Variants in PCDHGA2 observed in about 807,000 individuals in gnomAD.
The protein encoded by PCDHGA2 is protocadherin gamma-A2.
Under a neutral mutation model 59.2 loss-of-function variants are expected in PCDHGA2, and 40 were observed. That is an observed-to-expected ratio of 0.68 (90% CI 0.52 to 0.88). The LOEUF is 0.88. Ranked by LOEUF, PCDHGA2 falls within the 40% of genes least tolerant of loss-of-function variation. The pLI, the probability that PCDHGA2 is intolerant of heterozygous loss-of-function variation, is 0.00. For synonymous variants in PCDHGA2, 560 were observed against 526.0 expected (o/e 1.06, Z -0.89); for missense variants, 1,226 against 1,204.0 (o/e 1.02, Z -0.27).
At chr5:141,495,419 C>A (rs1434107823) in intron 2 of PCDHGA2, among the ~76,000 whole-genome samples, 1 of 152,228 alleles carries the variant, frequency 6.6e-6, no homozygotes, top group Non-Finnish European at 1.5e-5. Context: ...CCGGCCCCTC[C>A]TCCCACTGTC....
chr5:141,365,893 C>G, intron 1 of PCDHGA2: 3 of 1,614,190 alleles, frequency 1.9e-6, no homozygotes, highest in Admixed American at 1.7e-5. Flanking sequence ...GATCCTTCGA[C>G]TATGAGCAGT....
Position 141,340,603 on chromosome 5 carries a change from C to A in PCDHGA2, c.1632C>A (p.Ser544Arg), listed in dbSNP as rs1283666005. Residue 544 changes from serine to arginine, a missense_variant, in exon 1 of 4, where the codon AGC becomes AGA. Physicochemically the swap from Ser to Arg is moderately radical, Grantham distance 110. Transcript: ENST00000394576. The stretch of plus-strand genomic sequence containing the variant: ...ACAGCGGGAACCCTCCACTCAGTAG[C>A]AATGTATCATTAAGCCTGTTCGTGC... ...ARDSGNPPLS[S>R]NVSLSLFVLD... 6.2e-7 allele frequency: 1 copy of A among 1,614,200 alleles called. No individual in the cohort carries two copies. Among genetic ancestry groups the A allele is most frequent in the Admixed American group, 1.7e-5 (1 of 60,034 alleles).
chr5:141,349,218 C>T lies in PCDHGA2; in HGVS notation c.2424+7823C>T, dbSNP rs369129742. Among the ~76,000 whole-genome samples the T allele has an allele frequency of 9.8e-5, 14 of 143,290 alleles. No individual in the cohort carries two copies. The East Asian group carries it at 1.2e-3, about 12-fold the overall frequency. 94.0% of individuals were successfully genotyped at this position (143,290 alleles called of 152,430 possible). A position where few individuals can be genotyped will look rare whatever the true frequency, so the allele number is the denominator to read the frequency against. ...CCGAGTAGCTGGCGTTACAGGTACC[C>T]GCCACCATGCCTGGATAATTTTTAT... On this transcript the variant is annotated intron_variant, in intron 1 of 3. Coordinates refer to ENST00000394576, the MANE Select transcript of PCDHGA2 (RefSeq NM_018915.4).
chr5:141,395,437 G>A lies in PCDHGA2; in HGVS notation c.2424+54042G>A, dbSNP rs973609255. On this transcript the variant is annotated intron_variant, in intron 1 of 3. Coordinates refer to ENST00000394576, the MANE Select transcript of PCDHGA2 (RefSeq NM_018915.4). ...TGTTTCATTTGCTTTTAAACGACTT[G>A]GAAAAGATTGTTCAACCATTTTAAG... 5.2e-5 allele frequency: 35 copies of A among 668,254 alleles called. No homozygotes were observed. The African/African-American group carries it at 6.1e-4, about 12-fold the overall frequency. 41.4% of individuals were successfully genotyped at this position (668,254 alleles called of 1,614,324 possible).
At chr5:141,465,152 G>C (rs1028596804) in intron 1 of PCDHGA2, among the ~76,000 whole-genome samples, 1 of 151,422 alleles carries the variant, frequency 6.6e-6, no homozygotes, top group African/African-American at 2.4e-5. Flanking sequence ...TATATGAAGG[G>C]ACTCTAAATG....
rs1478890031 is a variant in PCDHGA2, at chr5:141,478,689, C to G, written c.2425-16118C>G. On this transcript the variant is annotated intron_variant, in intron 1 of 3. Coordinates refer to ENST00000394576, the MANE Select transcript of PCDHGA2 (RefSeq NM_018915.4). Reference sequence around the variant, plus strand: ...CACTTTCAACTGGCCCTTCCTAGATCAAAGTTAGTGCCTTTGTGAGATGGT... The same window carrying G: ...CACTTTCAACTGGCCCTTCCTAGATGAAAGTTAGTGCCTTTGTGAGATGGT... 3 of 1,550,866 alleles carry G rather than the reference C, an allele frequency of 1.9e-6. No homozygotes were observed. In the African/African-American group the frequency reaches 4.1e-5, roughly 21 times the overall value.
In PCDHGA2 at chr5:141,372,836, A is replaced by G. The variant is rs755204859; in HGVS notation, c.2424+31441A>G. 4 of 1,532,454 alleles carry G rather than the reference A, an allele frequency of 2.6e-6. No homozygotes were observed. In the East Asian group the frequency reaches 6.9e-5, roughly 27 times the overall value. The allele number at this position is 1,532,454 out of a possible 1,614,324, so 94.9% of individuals were successfully genotyped here. On this transcript the variant is annotated intron_variant, in intron 1 of 3. Coordinates refer to ENST00000394576, the MANE Select transcript of PCDHGA2 (RefSeq NM_018915.4). ...TGAGTTTCTTCAAACCTTTCCTTCC[A>G]TAAATATAATTGGGTTTCAATTCAT... is the stretch of plus-strand genomic sequence containing the variant.
At chr5:141,475,512 C>A (rs2099364350) in intron 1 of PCDHGA2, among the ~76,000 whole-genome samples, 2 of 152,326 alleles carry the variant, frequency 1.3e-5, no homozygotes, top group South Asian at 4.1e-4. Context: ...AATGTCTCCA[C>A]GGAAATGCTA....
rs143362044 is a variant in PCDHGA2, at chr5:141,511,092, C to T, written c.2718C>T (p.Asn906=). The T allele has an allele frequency of 4.5e-5, 73 of 1,614,088 alleles. No homozygotes were observed. Among genetic ancestry groups the T allele is most frequent in the Admixed American group, 1.5e-4 (9 of 60,012 alleles). ...YIPGSNATLT[N]AAGKRDGKAP... is the part of the protein sequence containing the mutation. ...CAGGCAGCAATGCCACACTGACCAA[C>T]GCAGCTGGCAAGCGGGATGGCAAGG... The change falls in exon 4 of 4, where the codon AAC becomes AAT. Residue 906 remains asparagine, a synonymous_variant. Coordinates refer to ENST00000394576, the MANE Select transcript of PCDHGA2 (RefSeq NM_018915.4).
At position 141,432,749 on chromosome 5, in the gene PCDHGA2, G is replaced by A; in HGVS notation, c.2425-62058G>A. 6.8e-6 allele frequency: 11 copies of A among 1,614,106 alleles called. No homozygotes were observed. The highest frequency in any genetic ancestry group is 9.3e-6 in the Non-Finnish European group (11 of 1,179,980). On this transcript the variant is annotated intron_variant, in intron 1 of 3. Coordinates refer to ENST00000394576, the MANE Select transcript of PCDHGA2 (RefSeq NM_018915.4). The surrounding 1 kb of genome is among the most constrained non-coding windows in gnomAD (Gnocchi z 6.0). ...CGCCACTGTCACGCTCACCGTGGCCGTGGCCGACAGCATCCCCCAAGTCCT... is the reference window on the plus strand; with the variant it reads ...CGCCACTGTCACGCTCACCGTGGCCATGGCCGACAGCATCCCCCAAGTCCT...
rs753936459 is a variant in PCDHGA2 at position 141,501,288 on chromosome 5, TATAC to T, written c.2484-4103_2484-4100del. Among the ~76,000 whole-genome samples the T allele has an allele frequency of 4.5e-4, 37 of 81,322 alleles. No homozygotes were observed. The South Asian group carries it at 5.1e-3, about 11-fold the overall frequency. 53.4% of individuals were successfully genotyped at this position (81,322 alleles called of 152,430 possible). A position where few individuals can be genotyped will look rare whatever the true frequency, so the allele number is the denominator to read the frequency against. ...TAGTCCAGTCTATGGGATATTCCCT[TATAC>T]ACACACACACACACACACACACACA... On this transcript the variant is annotated intron_variant, in intron 2 of 3. Coordinates refer to ENST00000394576, the MANE Select transcript of PCDHGA2 (RefSeq NM_018915.4).
intron 1 of PCDHGA2, chr5:141,430,592 C>A (rs2097296542): frequency 1.8e-6 from 1 of 544,568 alleles, no homozygotes; most frequent in Non-Finnish European, 2.9e-6. Flanking sequence ...TCGCCTTGCA[C>A]GCGCCTGAAG....
rs144613597 is a variant in PCDHGA2, at chr5:141,483,029, G to A, written c.2425-11778G>A. 3.9e-3 allele frequency among the ~76,000 whole-genome samples: 588 copies of A among 152,220 alleles called. 6 individuals are homozygous for A. Among genetic ancestry groups the A allele is most frequent in the Admixed American group, 0.011 (169 of 15,280 alleles). ...GAACCCGGGAGGCAGAGGTTGCAAT[G>A]AGCTGGTGTCAGGCCACTGCACTCC... On this transcript the variant is annotated intron_variant, in intron 1 of 3. Transcript: ENST00000394576.
intron 1 of PCDHGA2, chr5:141,405,413 T>C: frequency 6.4e-7 from 1 of 1,561,606 alleles, no homozygotes; most frequent in South Asian, 1.2e-5. Context: ...TTTTCTTTTT[T>C]TGTTTTTTGT....
intron 1 of PCDHGA2, among the ~76,000 whole-genome samples, chr5:141,474,165 A>G (rs1444314307): frequency 6.6e-6 from 1 of 152,234 alleles, no homozygotes; most frequent in Non-Finnish European, 1.5e-5. Context: ...GACAGGCCTT[A>G]TTATTGAGAA....
intron 1 of PCDHGA2, chr5:141,417,651 A>G (rs2154547111): frequency 1.2e-6 from 1 of 822,038 alleles, no homozygotes; most frequent in Non-Finnish European, 1.8e-6. Flanking sequence ...CTCAGCCTCT[A>G]GCCTGGGATT....
intron 1 of PCDHGA2, chr5:141,399,640 G>C: frequency 2.5e-6 from 4 of 1,613,836 alleles, no homozygotes; most frequent in Non-Finnish European, 3.4e-6. Flanking sequence ...GTCCATGAGC[G>C]CGCAAAGTGG....
chr5:141,390,118 C>A (rs1031170621), intron 1 of PCDHGA2: 2 of 1,613,918 alleles, frequency 1.2e-6, no homozygotes, highest in African/African-American at 2.7e-5. Context: ...AGCGAGGGGA[C>A]TTTGCCTTAT....
At position 141,491,303 on chromosome 5, in the gene PCDHGA2, C is replaced by T; in HGVS notation, c.2425-3504C>T. On this transcript the variant is annotated intron_variant, in intron 1 of 3. Coordinates refer to ENST00000394576, the MANE Select transcript of PCDHGA2 (RefSeq NM_018915.4). This position sits in a 1 kb window ranked among gnomAD's most constrained non-coding sequence, Gnocchi z 6.9. ...TTCCTCATACACCCTCCTGAGCGTT[C>T]AGACCTTACCCTTTACCTCATTGTG... 6.2e-7 allele frequency: 1 copy of T among 1,614,132 alleles called. No homozygotes were observed. The highest frequency in any genetic ancestry group is 8.5e-7 in the Non-Finnish European group (1 of 1,179,962).
Sources: allele counts gnomAD v4.1 joint callset (sites outside exome capture counted in the v4.1 genomes callset), GRCh38; gene constraint gnomAD v4.1.1; non-coding constraint Gnocchi (gnomAD v3.1); transcripts MANE v1.5; gene names NCBI Gene and HGNC (gene_info 2026-07-23, HGNC 2026-07-21).